DPH7: variants seen among roughly 807,000 people sequenced by gnomAD.
DPH7 encodes diphthine methyltransferase.
DPH7 carries 44 observed loss-of-function variants against 41.7 expected under a neutral mutation model. The observed-to-expected ratio is 1.05, with a 90% CI of 0.83 to 1.36. DPH7 has a LOEUF of 1.36. Ranked by LOEUF, DPH7 falls within the 40% of genes most tolerant of loss-of-function variation. The pLI, the probability that DPH7 is intolerant of heterozygous loss-of-function variation, is 0.00. For missense variants in DPH7, 629 were observed against 577.5 expected (o/e 1.09, Z -0.91); for synonymous variants, 275 against 238.0 (o/e 1.16, Z -1.43).
intron 1 of DPH7, chr9:137,578,385 C>T (rs1841812476): frequency 2.6e-6 from 1 of 390,528 alleles, no homozygotes; most frequent in South Asian, 4.2e-5. Context: ...CCAGGATGGT[C>T]TCGATCTCCT....
At chr9:137,563,570 C>T (rs1259423146) in intron 8 of DPH7, among the ~76,000 whole-genome samples, 1 of 149,712 alleles carries the variant, frequency 6.7e-6, no homozygotes. Flanking sequence ...ATGCGGAAAT[C>T]GAGTCAATCA....
intron 5 of DPH7, among the ~76,000 whole-genome samples, chr9:137,570,515 C>T (rs1208258861): frequency 6.6e-6 from 1 of 152,180 alleles, no homozygotes; most frequent in East Asian, 1.9e-4. Context: ...CTGTGTCCCT[C>T]CCTCTTGTGG....
At chr9:137,559,656 C>T (rs1049368904) in intron 8 of DPH7, among the ~76,000 whole-genome samples, 5 of 152,208 alleles carry the variant, frequency 3.3e-5, no homozygotes, top group Non-Finnish European at 5.9e-5. Context: ...GAAATAATAG[C>T]GTAAGCTGTC....
chr9:137,575,863 C>T (rs1371348108), intron 3 of DPH7: 4 of 1,372,768 alleles, frequency 2.9e-6, no homozygotes, highest in East Asian at 2.7e-5. Flanking sequence ...TCACTTCAGC[C>T]CTTCTGCTGG....
At position 137,555,652 on chromosome 9, in the gene DPH7, G is replaced by C. The variant is rs768728430; in HGVS notation, c.950-4C>G. 6.3e-7 allele frequency: 1 copy of C among 1,582,426 alleles called. No individual in the cohort carries two copies. Among genetic ancestry groups the C allele is most frequent in the South Asian group, 1.1e-5 (1 of 87,550 alleles). On this transcript the variant is annotated splice_region_variant and splice_polypyrimidine_tract_variant and intron_variant, in intron 8 of 8. Coordinates refer to ENST00000277540, the MANE Select transcript of DPH7 (RefSeq NM_138778.5). ...ACCGTCGCCTCCTGCCTCTCCTCTG[G>C]AGTGAGAGATGGGAGAACCCAGGAA... is the stretch of plus-strand genomic sequence containing the variant.
chr9:137,575,879 C>A, intron 3 of DPH7: 2 of 1,397,180 alleles, frequency 1.4e-6, no homozygotes, highest in Non-Finnish European at 1.9e-6. Flanking sequence ...GCTGGTGACA[C>A]ATGAGGTGAC....
intron 5 of DPH7, among the ~76,000 whole-genome samples, chr9:137,572,578 G>T (rs1840628434): frequency 6.6e-6 from 1 of 152,136 alleles, no homozygotes; most frequent in Non-Finnish European, 1.5e-5. Context: ...AGCAGGGAAG[G>T]GTCAGATCTT....
chr9:137,563,027 C>T (rs1015381596), intron 8 of DPH7, among the ~76,000 whole-genome samples: 4 of 151,672 alleles, frequency 2.6e-5, no homozygotes, highest in African/African-American at 9.7e-5. Context: ...CATGGGGGTC[C>T]CAGCTACTCA....
chr9:137,576,536 G>A (rs1052606270), intron 2 of DPH7: 10 of 216,604 alleles, frequency 4.6e-5, no homozygotes, highest in Admixed American at 3.6e-4. Context: ...TAAGGAGTTC[G>A]AAACCAGCCT....
rs1237416454 is a variant in DPH7 at position 137,577,542 on chromosome 9, T to C, written c.215A>G (p.Asn72Ser). 1.2e-5 allele frequency: 19 copies of C among 1,613,940 alleles called. No homozygotes were observed. Among genetic ancestry groups the C allele is most frequent in the South Asian group, 8.8e-5 (8 of 91,084 alleles). ...RLGRLFLYSF[N>S]DNNSIHPLVE... Reference sequence around the variant, plus strand: ...CAGAGGGTGAATAGAGTTGTTGTCATTGAAACTGTACAGGAAGAGACGGCC... The same window carrying C: ...CAGAGGGTGAATAGAGTTGTTGTCACTGAAACTGTACAGGAAGAGACGGCC... The change falls in exon 2 of 9, where the codon AAT (asparagine) becomes AGT (serine). Residue 72 changes from asparagine (N) to serine (S), a missense_variant. Transcript: ENST00000277540.
intron 5 of DPH7, among the ~76,000 whole-genome samples, chr9:137,571,547 G>A (rs528351281): frequency 1.8e-3 from 271 of 152,228 alleles, no homozygotes; most frequent in Admixed American, 3.7e-3. Context: ...CCCAACACTG[G>A]GAGGCTGAGG....
At chr9:137,555,921 A>C (rs997239981) in intron 8 of DPH7, among the ~76,000 whole-genome samples, 4 of 152,270 alleles carry the variant, frequency 2.6e-5, no homozygotes, top group East Asian at 1.9e-4. Context: ...AGAATACGGC[A>C]AAAGCCAGAG....
intron 8 of DPH7, among the ~76,000 whole-genome samples, chr9:137,557,830 T>C (rs1299999784): frequency 1.4e-5 from 2 of 142,510 alleles, no homozygotes; most frequent in Non-Finnish European, 3.1e-5. Flanking sequence ...AAAAAATACA[T>C]AAATAAAGTT....
chr9:137,577,372 A>G (rs1035071309), intron 2 of DPH7, 98 bp downstream of exon 2: 11 of 1,234,992 alleles, frequency 8.9e-6, no homozygotes, highest in Non-Finnish European at 1.0e-5. Context: ...TCCAAAGTTG[A>G]GATGCAATGC....
Position 137,555,507 on chromosome 9 carries a change from G to A in DPH7, c.1091C>T (p.Thr364Met), listed in dbSNP as rs147900158. ...CTCGCTTGCACCCTTCAGGTCTGCCGTCTTGGTTCCTAGGTTGCTAGGAAA... is the reference window on the plus strand; with the variant it reads ...CTCGCTTGCACCCTTCAGGTCTGCCATCTTGGTTCCTAGGTTGCTAGGAAA... The part of the protein sequence containing the change: ...WSFPSNLGTK[T>M]ADLKGASELP... The change falls in exon 9 of 9, where the codon ACG becomes ATG. Residue 364 changes from threonine (T) to methionine (M), a missense_variant. Physicochemically the swap from Thr to Met is moderately conservative, Grantham distance 81. Transcript: ENST00000277540. The A allele has an allele frequency of 5.4e-5, 87 of 1,614,100 alleles. No homozygotes were observed. Among genetic ancestry groups the A allele is most frequent in the East Asian group, 1.1e-4 (5 of 44,890 alleles).
Position 137,564,560 on chromosome 9 carries a change from G to A in DPH7, c.823C>T (p.Pro275Ser), listed in dbSNP as rs1839224783. Residue 275 changes from proline to serine, a missense_variant, in exon 8 of 9, where the codon CCG becomes TCG. Physicochemically the swap from Pro to Ser is moderately conservative, Grantham distance 74. Coordinates refer to ENST00000277540, the MANE Select transcript of DPH7 (RefSeq NM_138778.5). ...LLWDTRNMKQPLADTPVQGGV... is the reference protein window; with the variant it reads ...LLWDTRNMKQSLADTPVQGGV... ...CCCTGCACAGGCGTATCTGCCAACG[G>A]CTGCTTCATGTTTCGTGTGTCCCAC... 6.2e-7 allele frequency: 1 copy of A among 1,614,010 alleles called. No homozygotes were observed. The highest frequency in any genetic ancestry group is 8.5e-7 in the Non-Finnish European group (1 of 1,179,898).
intron 8 of DPH7, among the ~76,000 whole-genome samples, chr9:137,555,852 C>T (rs1397366455): frequency 3.3e-5 from 5 of 152,208 alleles, no homozygotes; most frequent in Non-Finnish European, 7.3e-5. Flanking sequence ...GCAGTGCACA[C>T]GCCTGTGTGC....
At chr9:137,572,302 T>C (rs192660559) in intron 5 of DPH7, among the ~76,000 whole-genome samples, 2 of 152,308 alleles carry the variant, frequency 1.3e-5, no homozygotes, top group African/African-American at 2.4e-5. Flanking sequence ...ACTGAGAGCA[T>C]AGGAGCCAAA....
chr9:137,578,588 G>GCCCCCC, intron 1 of DPH7, 37 bp downstream of exon 1: 6 of 1,436,762 alleles, frequency 4.2e-6, no homozygotes, highest in Non-Finnish European at 4.5e-6. Context: ...CTCGTGGCCG[G>GCCCCCC]CCCCGCCCTC....
Sources: allele counts gnomAD v4.1 joint callset (sites outside exome capture counted in the v4.1 genomes callset), GRCh38; gene constraint gnomAD v4.1.1; transcripts MANE v1.5; gene names NCBI Gene and HGNC (gene_info 2026-07-23, HGNC 2026-07-21).